Variants in SLC24A2 observed in about 807,000 individuals in gnomAD.
The protein encoded by SLC24A2 is solute carrier family 24 member 2, also known as sodium/potassium/calcium exchanger 2.
In SLC24A2, 36 loss-of-function variants were observed where a neutral mutation model predicts 62.0. The observed-to-expected ratio is 0.58, with a 90% CI of 0.44 to 0.77. The LOEUF is 0.77. Among genes scored for constraint, SLC24A2 ranks in the 30% least tolerant of loss-of-function variants. The pLI, the probability that SLC24A2 is intolerant of heterozygous loss-of-function variation, is 0.00. For synonymous variants in SLC24A2, 358 were observed against 294.0 expected (o/e 1.22, Z -2.23); for missense variants, 846 against 817.9 (o/e 1.03, Z -0.42).
intron 2 of SLC24A2, among the ~76,000 whole-genome samples, chr9:19,713,252 T>C (rs990335980): frequency 3.9e-5 from 6 of 152,108 alleles, no homozygotes; most frequent in African/African-American, 9.7e-5. Context: ...ACCTGCGCCA[T>C]TTGTAAAGTC....
chr9:19,516,099 C>G lies in SLC24A2; in HGVS notation c.*54G>C. The G allele has an allele frequency of 1.9e-6, 3 of 1,611,124 alleles. No homozygotes were observed. Among genetic ancestry groups the G allele is most frequent in the Non-Finnish European group, 1.7e-6 (2 of 1,177,912 alleles). ...TCTCAAGAGGTCAAGGAGCCCAGAG[C>G]CCAGAGTGTGGAGGGACCATTCATG... On this transcript the variant is annotated 3_prime_UTR_variant, in exon 11 of 11. Coordinates refer to ENST00000341998, the MANE Select transcript of SLC24A2 (RefSeq NM_020344.4).
intron 2 of SLC24A2, among the ~76,000 whole-genome samples, chr9:19,652,908 G>C (rs1175120702): frequency 1.3e-5 from 2 of 151,436 alleles, no homozygotes; most frequent in African/African-American, 4.9e-5. Context: ...TATGTGAGCA[G>C]AACGATGAGA....
chr9:19,757,396 A>G (rs1309379347), intron 2 of SLC24A2, among the ~76,000 whole-genome samples: 1 of 152,174 alleles, frequency 6.6e-6, no homozygotes, highest in Non-Finnish European at 1.5e-5. Context: ...AGAAGAAAAA[A>G]AATTGTAAAG....
chr9:20,041,274 G>A, the SLC24A2 span, among the ~76,000 whole-genome samples: 1 of 152,232 alleles, frequency 6.6e-6, no homozygotes, highest in Non-Finnish European at 1.5e-5. Context: ...TCATTCCAGT[G>A]TAATCTATGC....
chr9:20,262,557 C>CG, the SLC24A2 span, among the ~76,000 whole-genome samples: 1 of 152,208 alleles, frequency 6.6e-6, no homozygotes, highest in Non-Finnish European at 1.5e-5. Flanking sequence ...CGTTAAAAGC[C>CG]CATTTACCTC....
At chr9:20,294,065 T>A in the SLC24A2 span, among the ~76,000 whole-genome samples, 1 of 152,052 alleles carries the variant, frequency 6.6e-6, no homozygotes, top group Admixed American at 6.6e-5. Flanking sequence ...TGCGCCATCT[T>A]TTCTCCTAGA....
the SLC24A2 span, among the ~76,000 whole-genome samples, chr9:20,219,399 C>T: frequency 6.6e-6 from 1 of 152,176 alleles, no homozygotes; most frequent in Non-Finnish European, 1.5e-5. Context: ...AGAGTGAGAC[C>T]TTCTGAGTAA....
At chr9:19,689,269 A>G (rs1564039691) in intron 2 of SLC24A2, among the ~76,000 whole-genome samples, 1 of 152,150 alleles carries the variant, frequency 6.6e-6, no homozygotes, top group Admixed American at 6.6e-5. Context: ...ACTCCCGAAG[A>G]AGGAAAAAAA....
the SLC24A2 span, among the ~76,000 whole-genome samples, chr9:20,104,880 C>A: frequency 6.6e-6 from 1 of 152,234 alleles, no homozygotes; most frequent in South Asian, 2.1e-4. Flanking sequence ...GGACTAAATG[C>A]TCCAATTAAA....
chr9:19,818,469 G>A, the SLC24A2 span, among the ~76,000 whole-genome samples: 1 of 152,010 alleles, frequency 6.6e-6, no homozygotes, highest in Non-Finnish European at 1.5e-5. Context: ...GACTCCCCCA[G>A]AAAGCTCCTA....
intron 2 of SLC24A2, among the ~76,000 whole-genome samples, chr9:19,678,533 C>T (rs1332449508): frequency 6.6e-6 from 1 of 152,140 alleles, no homozygotes; most frequent in African/African-American, 2.4e-5. Context: ...AAAAACATTG[C>T]AGGTTCTATT....
intron 2 of SLC24A2, chr9:19,705,196 A>G (rs1007329600): frequency 6.6e-6 from 1 of 152,234 alleles, no homozygotes; most frequent in East Asian, 1.9e-4. Flanking sequence ...ATTAAATGAC[A>G]TAATGCAAAT....
chr9:20,288,340 T>A, the SLC24A2 span, among the ~76,000 whole-genome samples: 1 of 151,956 alleles, frequency 6.6e-6, no homozygotes, highest in Non-Finnish European at 1.5e-5. Flanking sequence ...TCTTATAAGG[T>A]GGCATCAACA....
chr9:19,961,125 G>C, the SLC24A2 span, among the ~76,000 whole-genome samples: 2 of 122,918 alleles, frequency 1.6e-5, no homozygotes, highest in Non-Finnish European at 3.4e-5. Context: ...AAAGGAGAGA[G>C]AGACAGAAGA....
At chr9:19,613,567 A>G (rs1817685448) in intron 4 of SLC24A2, among the ~76,000 whole-genome samples, 1 of 152,142 alleles carries the variant, frequency 6.6e-6, no homozygotes, top group East Asian at 1.9e-4. Flanking sequence ...CCCAAACCAG[A>G]GGAAGAGAGA....
the SLC24A2 span, among the ~76,000 whole-genome samples, chr9:20,173,299 C>A: frequency 1.3e-5 from 2 of 152,088 alleles, no homozygotes; most frequent in African/African-American, 4.8e-5. Flanking sequence ...CTCACCACTT[C>A]TCTTCAACAT....
At chr9:19,996,322 G>T in the SLC24A2 span, among the ~76,000 whole-genome samples, 1 of 152,198 alleles carries the variant, frequency 6.6e-6, no homozygotes, top group Non-Finnish European at 1.5e-5. Context: ...AGTGACTCCT[G>T]TGAAATTCCT....
At chr9:19,888,937 CA>C in the SLC24A2 span, among the ~76,000 whole-genome samples, 1 of 152,208 alleles carries the variant, frequency 6.6e-6, no homozygotes, top group African/African-American at 2.4e-5. Context: ...CCCTGTGACA[CA>C]GGTATCCTGA....
intron 8 of SLC24A2, among the ~76,000 whole-genome samples, chr9:19,532,793 A>G (rs191244171): frequency 6.6e-6 from 1 of 152,220 alleles, no homozygotes; most frequent in African/African-American, 2.4e-5. Context: ...GAATCAATGA[A>G]TAATAGAAAT....
Sources: allele counts gnomAD v4.1 joint callset (sites outside exome capture counted in the v4.1 genomes callset), GRCh38; gene constraint gnomAD v4.1.1; transcripts MANE v1.5; gene names NCBI Gene and HGNC (gene_info 2026-07-23, HGNC 2026-07-21).